The following PLA2G4A variants were observed in gnomAD, a reference collection of about 807,000 sequenced individuals.
PLA2G4A encodes the protein phospholipase A2 group IVA, also known as cytosolic phospholipase A2.
PLA2G4A carries 40 observed loss-of-function variants against 81.9 expected under a neutral mutation model. The observed-to-expected ratio is 0.49, with a 90% CI of 0.38 to 0.64. The LOEUF (loss-of-function observed/expected upper bound fraction) is 0.64, where lower values mean the gene tolerates loss of function less well. Ranked by LOEUF, PLA2G4A falls within the 30% of genes least tolerant of loss-of-function variation. PLA2G4A has a pLI of 0.00. For missense variants in PLA2G4A, 715 were observed against 905.1 expected (o/e 0.79, Z 2.69); for synonymous variants, 302 against 296.9 (o/e 1.02, Z -0.18).
In PLA2G4A at chr1:186,858,864, T is replaced by C. The variant is rs575406242; in HGVS notation, c.33+4477T>C. ...TCTGTGAGCTTTACAGTTTTCTTTA[T>C]TCTTCTTATTCTCGCTATGTGTATA... On this transcript the variant is annotated intron_variant, in intron 2 of 17. Transcript: ENST00000367466. 3.4e-4 allele frequency among the ~76,000 whole-genome samples: 51 copies of C among 152,166 alleles called. No homozygotes were observed. In the South Asian group the frequency reaches 4.4e-3, roughly 13 times the overall value.
intron 15 of PLA2G4A, among the ~76,000 whole-genome samples, chr1:186,969,781 G>T (rs906680338): frequency 6.6e-6 from 1 of 151,666 alleles, no homozygotes; most frequent in Non-Finnish European, 1.5e-5. Flanking sequence ...TAGTGTGTAG[G>T]TATCACATTT....
intron 17 of PLA2G4A, among the ~76,000 whole-genome samples, chr1:186,987,906 T>C (rs1454808848): frequency 3.3e-5 from 5 of 152,248 alleles, no homozygotes; most frequent in Non-Finnish European, 7.3e-5. Flanking sequence ...CTGTATTGTT[T>C]CAGTTGAGGA....
chr1:186,893,563 A>C (rs1387596780), intron 4 of PLA2G4A, among the ~76,000 whole-genome samples: 1 of 152,172 alleles, frequency 6.6e-6, no homozygotes, highest in African/African-American at 2.4e-5. Context: ...TTCGTTTTTG[A>C]AAACATGATA....
chr1:186,952,655 A>G (rs1371918757), intron 13 of PLA2G4A, among the ~76,000 whole-genome samples: 1 of 152,194 alleles, frequency 6.6e-6, no homozygotes, highest in African/African-American at 2.4e-5. Context: ...TATATTCATC[A>G]TTATACATGT....
chr1:186,939,779 G>A (rs1423331511), intron 9 of PLA2G4A, among the ~76,000 whole-genome samples: 1 of 152,022 alleles, frequency 6.6e-6, no homozygotes, highest in Non-Finnish European at 1.5e-5. Flanking sequence ...CTAGAGTTAT[G>A]ATTATTTTTT....
At chr1:186,923,284 T>G (rs1655428797) in intron 7 of PLA2G4A, among the ~76,000 whole-genome samples, 4 of 152,224 alleles carry the variant, frequency 2.6e-5, no homozygotes, top group African/African-American at 7.2e-5. Context: ...ATTCAGAAAT[T>G]TATAGCTTCT....
chr1:186,884,868 G>C (rs1173672444), intron 3 of PLA2G4A, among the ~76,000 whole-genome samples: 2 of 147,840 alleles, frequency 1.4e-5, no homozygotes, highest in Admixed American at 6.9e-5. Context: ...CTCCAGGCTG[G>C]TTGACAGAGT....
intron 2 of PLA2G4A, among the ~76,000 whole-genome samples, chr1:186,864,912 G>A (rs1246553509): frequency 1.3e-5 from 2 of 150,732 alleles, no homozygotes; most frequent in Non-Finnish European, 3.0e-5. Flanking sequence ...GGCAAGCAAG[G>A]CAAAATCCCA....
chr1:186,866,026 A>G (rs1653014910), intron 2 of PLA2G4A, among the ~76,000 whole-genome samples: 1 of 152,190 alleles, frequency 6.6e-6, no homozygotes, highest in South Asian at 2.1e-4. Flanking sequence ...CAATTGAAAT[A>G]TGACATCTCT....
chr1:186,932,475 G>A (rs912459086), intron 7 of PLA2G4A, among the ~76,000 whole-genome samples: 1 of 151,072 alleles, frequency 6.6e-6, no homozygotes, highest in Non-Finnish European at 1.5e-5. Context: ...TTTATTTTGT[G>A]TTTTTTGTAG....
At position 186,977,717 on chromosome 1, in the gene PLA2G4A, T is replaced by G. The variant is rs1657580598; in HGVS notation, c.1889T>G (p.Met630Arg). The G allele has an allele frequency of 1.9e-6, 3 of 1,613,708 alleles. No individual in the cohort carries two copies. The highest frequency in any genetic ancestry group is 2.5e-6 in the Non-Finnish European group (3 of 1,179,622). ...CYVFKPKNPD[M>R]EKDCPTIIHF... Reference sequence around the variant, plus strand: ...GTCTTTAAACCCAAGAATCCTGATATGGAGAAAGATTGCCCAACCATCATC... The same window carrying G: ...GTCTTTAAACCCAAGAATCCTGATAGGGAGAAAGATTGCCCAACCATCATC... The change falls in exon 16 of 18, where the codon ATG becomes AGG. Residue 630 changes from methionine (M) to arginine (R), a missense_variant. By Grantham distance (91) the Met-to-Arg change is moderately conservative. Transcript: ENST00000367466.
Position 186,956,202 on chromosome 1 carries a change from C to G in PLA2G4A, c.1437C>G (p.Phe479Leu), listed in dbSNP as rs146620407. ...IMALVSDSAL[F>L]NTREGRAGKV... ...CCTTGGTGAGTGATTCAGCTTTATT[C>G]AATACCAGAGAAGGACGTGCTGGGA... Residue 479 changes from phenylalanine to leucine, a missense_variant, in exon 14 of 18, where the codon TTC becomes TTG. Phe to Leu is a conservative substitution (Grantham distance 22). Coordinates refer to ENST00000367466, the MANE Select transcript of PLA2G4A (RefSeq NM_024420.3). The G allele has an allele frequency of 1.9e-4, 304 of 1,613,868 alleles. 3 individuals carry two copies. In the Admixed American group the frequency reaches 5.0e-3, roughly 26 times the overall value.
intron 14 of PLA2G4A, among the ~76,000 whole-genome samples, chr1:186,958,654 G>C (rs1656839136): frequency 6.6e-6 from 1 of 152,088 alleles, no homozygotes; most frequent in African/African-American, 2.4e-5. Flanking sequence ...ATTCCCCTTA[G>C]CCCTTGGTTT....
At chr1:186,848,796 C>A (rs1473676) in intron 1 of PLA2G4A, among the ~76,000 whole-genome samples, 47,262 of 151,818 alleles carry the variant, frequency 0.31, 7,820 homozygotes, top group East Asian at 0.6. Flanking sequence ...GAGAGAGAAA[C>A]TAGACTTGGA....
chr1:186,846,949 C>G (rs1652197124), intron 1 of PLA2G4A, among the ~76,000 whole-genome samples: 1 of 151,914 alleles, frequency 6.6e-6, no homozygotes, highest in Non-Finnish European at 1.5e-5. Context: ...AAAAACTTTT[C>G]TGCAGTATAG....
At position 186,931,221 on chromosome 1, in the gene PLA2G4A, T is replaced by C. The variant is rs149598687; in HGVS notation, c.559-1542T>C. On this transcript the variant is annotated intron_variant, in intron 7 of 17. Coordinates refer to ENST00000367466, the MANE Select transcript of PLA2G4A (RefSeq NM_024420.3). The stretch of plus-strand genomic sequence containing the variant: ...ATTTATACAAACCCATATACATCTA[T>C]ATAAAGATACATAAAGATACACACA... Among the ~76,000 whole-genome samples the C allele has an allele frequency of 2.3e-4, 35 of 152,230 alleles. 1 individual carries two copies.
chr1:186,962,606 C>G lies in PLA2G4A; in HGVS notation c.1580-2803C>G, dbSNP rs969941368. Among the ~76,000 whole-genome samples the G allele has an allele frequency of 1.3e-3, 203 of 152,092 alleles. 1 individual carries two copies. The highest frequency in any genetic ancestry group is 4.7e-3 in the African/African-American group (194 of 41,498). ...GCGCGATCTCGGCTCTCTGCAAGCT[C>G]CGTCTCCCGAGTTCACGCCATTCTC... On this transcript the variant is annotated intron_variant, in intron 14 of 17. Transcript: ENST00000367466.
At chr1:186,923,104 A>G (rs562372236) in intron 7 of PLA2G4A, among the ~76,000 whole-genome samples, 1 of 152,274 alleles carries the variant, frequency 6.6e-6, no homozygotes, top group African/African-American at 2.4e-5. Flanking sequence ...ATTGGGCATA[A>G]GACAATATGA....
chr1:186,965,339 A>G (rs915916414), intron 14 of PLA2G4A, 70 bp from the exon 15 acceptor site: 3 of 1,209,532 alleles, frequency 2.5e-6, no homozygotes, highest in East Asian at 4.9e-5. Context: ...TTTGAAACCA[A>G]CATTTTTAGA....
Sources: allele counts gnomAD v4.1 joint callset (sites outside exome capture counted in the v4.1 genomes callset), GRCh38; gene constraint gnomAD v4.1.1; transcripts MANE v1.5; gene names NCBI Gene and HGNC (gene_info 2026-07-23, HGNC 2026-07-21).